The following PYROXD2 variants were observed in gnomAD, a reference collection of about 807,000 sequenced individuals.
The protein encoded by PYROXD2 is pyridine nucleotide-disulfide oxidoreductase domain-containing protein 2.
In PYROXD2, 69 loss-of-function variants were observed where a neutral mutation model predicts 71.1. That is an observed-to-expected ratio of 0.97 (90% confidence interval 0.80 to 1.19). The LOEUF (loss-of-function observed/expected upper bound fraction) is 1.19, where lower values mean the gene tolerates loss of function less well. Among genes scored for constraint, PYROXD2 ranks in the 50% most tolerant of loss-of-function variants. PYROXD2 has a pLI of 0.00. For missense variants in PYROXD2, 745 were observed against 748.9 expected (o/e 0.99, Z 0.06); for synonymous variants, 287 against 302.7 (o/e 0.95, Z 0.54).
Position 98,387,199 on chromosome 10 carries a change from A to G in PYROXD2, c.1554+2T>C. 2 of 1,611,912 alleles carry G rather than the reference A, an allele frequency of 1.2e-6. No homozygotes were observed. The highest frequency in any genetic ancestry group is 1.7e-6 in the Non-Finnish European group (2 of 1,178,302). On this transcript the variant is annotated splice_donor_variant, in intron 14 of 15. Coordinates refer to ENST00000370575, the MANE Select transcript of PYROXD2 (RefSeq NM_032709.3). LOFTEE classifies it high-confidence loss of function. Reference sequence around the variant, plus strand: ...TGAGAGACCCCCTAGGCTTATACATACCCCTCCAGGAAGCCCGAAGATTCT... The same window carrying G: ...TGAGAGACCCCCTAGGCTTATACATGCCCCTCCAGGAAGCCCGAAGATTCT...
chr10:98,390,892 G>T, intron 11 of PYROXD2, 118 bp downstream of exon 11: 2 of 1,350,540 alleles, frequency 1.5e-6, no homozygotes, highest in Non-Finnish European at 2.1e-6. Flanking sequence ...GCTGCAGGGG[G>T]ACACAGGCTG....
At chr10:98,409,132 C>T (rs1360991943) in intron 2 of PYROXD2, among the ~76,000 whole-genome samples, 1 of 152,234 alleles carries the variant, frequency 6.6e-6, no homozygotes, top group Non-Finnish European at 1.5e-5. Flanking sequence ...GGAACGATCT[C>T]ACAGATTGAC....
At chr10:98,398,583 C>A (rs1843279010) in intron 5 of PYROXD2, among the ~76,000 whole-genome samples, 1 of 152,186 alleles carries the variant, frequency 6.6e-6, no homozygotes, top group Non-Finnish European at 1.5e-5. Flanking sequence ...CTAAGCAGGC[C>A]TTTAATATGA....
At chr10:98,413,334 TATAGC>T (rs1157852881) in intron 1 of PYROXD2, among the ~76,000 whole-genome samples, 1 of 152,248 alleles carries the variant, frequency 6.6e-6, no homozygotes, top group Non-Finnish European at 1.5e-5. Context: ...TGTTAGCTGT[TATAGC>T]ATGAATAAAT....
In PYROXD2 at chr10:98,388,481, G is replaced by A. The variant is rs1164688399; in HGVS notation, c.1320C>T (p.Ser440=). ...GGGGAGCCAGGGTGGGGTCCAGCGA[G>A]GAAGGGATGCAGAGCTCAATCACAG... ...HRPVIELCIP[S]SLDPTLAPPG... Residue 440 remains serine, a synonymous_variant, in exon 13 of 16, where the codon TCC becomes TCT. Coordinates refer to ENST00000370575, the MANE Select transcript of PYROXD2 (RefSeq NM_032709.3). 6.2e-7 allele frequency: 1 copy of A among 1,610,800 alleles called. No homozygotes were observed. Among genetic ancestry groups the A allele is most frequent in the East Asian group, 2.2e-5 (1 of 44,822 alleles).
rs75559913 is a variant in PYROXD2 at position 98,399,734 on chromosome 10, T to A, written c.471+368A>T. Among the ~76,000 whole-genome samples the A allele has an allele frequency of 4.9e-3, 744 of 152,370 alleles. 5 individuals carry two copies. The highest frequency in any genetic ancestry group is 0.017 in the African/African-American group (707 of 41,588). On this transcript the variant is annotated intron_variant, in intron 5 of 15. Coordinates refer to ENST00000370575, the MANE Select transcript of PYROXD2 (RefSeq NM_032709.3). ...TCCTCCTTTTTGGCTTTCATGTGCT[T>A]TAATGTGGACAAACACCTGGAACTC...
intron 10 of PYROXD2, among the ~76,000 whole-genome samples, chr10:98,392,024 T>A (rs531396883): frequency 7.9e-5 from 12 of 152,356 alleles, no homozygotes; most frequent in African/African-American, 2.9e-4. Flanking sequence ...CAGTATTTCT[T>A]GTTGTATGCC....
intron 12 of PYROXD2, 137 bp from the exon 13 acceptor site, chr10:98,388,645 T>C: frequency 3.0e-6 from 3 of 1,013,432 alleles, no homozygotes; most frequent in Non-Finnish European, 4.1e-6. Flanking sequence ...GCCACAGTGG[T>C]TGTCCACCTG....
intron 4 of PYROXD2, among the ~76,000 whole-genome samples, chr10:98,403,548 C>G (rs533319660): frequency 6.6e-6 from 1 of 152,358 alleles, no homozygotes; most frequent in East Asian, 1.9e-4. Flanking sequence ...CTCTGCCTGT[C>G]TGCTCTGTCC....
chr10:98,408,085 C>T (rs1302945990), intron 2 of PYROXD2, 88 bp from the exon 3 acceptor site: 2 of 1,283,960 alleles, frequency 1.6e-6, no homozygotes, highest in Non-Finnish European at 2.2e-6. Context: ...CTAAGGTCCT[C>T]ACTATAGGCC....
At position 98,407,683 on chromosome 10, in the gene PYROXD2, A is replaced by C. The variant is rs1291090249; in HGVS notation, c.242-28T>G. On this transcript the variant is annotated intron_variant, in intron 3 of 15. Coordinates refer to ENST00000370575, the MANE Select transcript of PYROXD2 (RefSeq NM_032709.3). The stretch of plus-strand genomic sequence containing the variant: ...GAAACCGAATCCGATGAAGACTGTC[A>C]CCAGGGGTCACCAGGGATGAGGACC... The C allele has an allele frequency of 1.3e-5, 20 of 1,594,796 alleles. 4 individuals are homozygous for C. Among genetic ancestry groups the C allele is most frequent in the Non-Finnish European group, 1.6e-5 (19 of 1,173,084 alleles).
intron 15 of PYROXD2, among the ~76,000 whole-genome samples, chr10:98,384,424 C>T (rs1842686133): frequency 1.3e-5 from 2 of 152,134 alleles, no homozygotes; most frequent in South Asian, 2.1e-4. Flanking sequence ...TCGAGACCAG[C>T]CCGGGCAACC....
At chr10:98,389,893 C>T (rs1311257890) in intron 12 of PYROXD2, among the ~76,000 whole-genome samples, 1 of 152,182 alleles carries the variant, frequency 6.6e-6, no homozygotes, top group Non-Finnish European at 1.5e-5. Flanking sequence ...AATAGAGACC[C>T]CAGAATATTT....
At chr10:98,384,264 G>C (rs991947112) in intron 15 of PYROXD2, among the ~76,000 whole-genome samples, 1 of 152,018 alleles carries the variant, frequency 6.6e-6, no homozygotes, top group Admixed American at 6.5e-5. Context: ...GCCTCAGCCA[G>C]CTCCGTTAGG....
At chr10:98,408,283 G>A (rs771647129) in intron 2 of PYROXD2, among the ~76,000 whole-genome samples, 2 of 152,126 alleles carry the variant, frequency 1.3e-5, no homozygotes, top group Non-Finnish European at 2.9e-5. Flanking sequence ...CTGGTGCCTC[G>A]GGGACTCACG....
intron 2 of PYROXD2, among the ~76,000 whole-genome samples, chr10:98,408,239 T>G (rs1037601711): frequency 6.6e-6 from 1 of 152,134 alleles, no homozygotes; most frequent in Non-Finnish European, 1.5e-5. Flanking sequence ...CCCCTCCACT[T>G]CCCAGCTGAA....
chr10:98,389,892 C>T (rs1328737852), intron 12 of PYROXD2, among the ~76,000 whole-genome samples: 1 of 152,134 alleles, frequency 6.6e-6, no homozygotes, highest in South Asian at 2.1e-4. Context: ...GAATAGAGAC[C>T]CCAGAATATT....
intron 12 of PYROXD2, 152 bp downstream of exon 12, chr10:98,390,446 T>A: frequency 1.0e-5 from 9 of 881,178 alleles, no homozygotes; most frequent in Non-Finnish European, 1.4e-5. Flanking sequence ...TGGGATGCAC[T>A]TCCTGTCCTT....
chr10:98,415,181 T>C lies in PYROXD2; in HGVS notation c.-46A>G, dbSNP rs745977588. ...TGCTAGGCAGGGAGTTTGCTAGCGATTGGCTTTTGTGCTGCCCTAGGCACG... is the reference window on the plus strand; with the variant it reads ...TGCTAGGCAGGGAGTTTGCTAGCGACTGGCTTTTGTGCTGCCCTAGGCACG... On this transcript the variant is annotated 5_prime_UTR_variant, in exon 1 of 16. Transcript: ENST00000370575. The C allele has an allele frequency of 2.8e-5, 45 of 1,598,550 alleles. No individual in the cohort carries two copies. The highest frequency in any genetic ancestry group is 8.4e-5 in the Admixed American group (5 of 59,220).
Sources: allele counts gnomAD v4.1 joint callset (sites outside exome capture counted in the v4.1 genomes callset), GRCh38; gene constraint gnomAD v4.1.1; transcripts MANE v1.5; gene names NCBI Gene and HGNC (gene_info 2026-07-23, HGNC 2026-07-21).